The following ADAM32 variants were observed in gnomAD, a reference collection of about 807,000 sequenced individuals.
The protein encoded by ADAM32 is ADAM metallopeptidase domain 32, also known as disintegrin and metalloproteinase domain-containing protein 32.
ADAM32 carries 89 observed loss-of-function variants against 114.9 expected under a neutral mutation model. The ratio of observed to expected loss-of-function variants is 0.77; its 90% CI spans 0.65 to 0.92. ADAM32 has a LOEUF of 0.92. Ranked by LOEUF, ADAM32 falls within the 40% of genes least tolerant of loss-of-function variation. The pLI is 0.00. For synonymous variants in ADAM32, 285 were observed against 307.5 expected (o/e 0.93, Z 0.77); for missense variants, 870 against 932.8 (o/e 0.93, Z 0.88).
chr8:39,187,341 G>A (rs1806311112), intron 11 of ADAM32, among the ~76,000 whole-genome samples: 1 of 152,086 alleles, frequency 6.6e-6, no homozygotes, highest in Non-Finnish European at 1.5e-5. Flanking sequence ...GCGCTGTCTC[G>A]GCTCACTGCA....
intron 10 of ADAM32, among the ~76,000 whole-genome samples, chr8:39,175,710 G>A (rs868707400): frequency 1.3e-4 from 20 of 152,118 alleles, no homozygotes; most frequent in African/African-American, 4.6e-4. Context: ...TTGGGGAGGA[G>A]TCCCTTCTTT....
At chr8:39,186,862 C>G (rs1289084779) in intron 10 of ADAM32, 47 bp from the exon 11 acceptor site, 1 of 1,458,270 alleles carries the variant, frequency 6.9e-7, no homozygotes, top group Non-Finnish European at 9.3e-7. Flanking sequence ...TTTTACCACC[C>G]TTTAGAGAAT....
chr8:39,149,608 G>A (rs992633619), intron 4 of ADAM32, among the ~76,000 whole-genome samples, 183 bp from the exon 5 acceptor site: 12 of 152,136 alleles, frequency 7.9e-5, no homozygotes, highest in Admixed American at 3.3e-4. Context: ...ATAAAGTGTA[G>A]TTAACATAGT....
intron 5 of ADAM32, among the ~76,000 whole-genome samples, chr8:39,150,783 T>C (rs1321223266): frequency 6.6e-6 from 1 of 152,226 alleles, no homozygotes; most frequent in Non-Finnish European, 1.5e-5. Flanking sequence ...AGTCATTTAC[T>C]CTTTAAAATC....
At chr8:39,130,465 G>A (rs1273939169) in intron 2 of ADAM32, among the ~76,000 whole-genome samples, 3 of 151,954 alleles carry the variant, frequency 2.0e-5, no homozygotes, top group East Asian at 3.9e-4. Context: ...TCTTAAGATG[G>A]AAATTTAAGT....
At chr8:39,199,416 A>G (rs1440036340) in intron 11 of ADAM32, among the ~76,000 whole-genome samples, 1 of 152,164 alleles carries the variant, frequency 6.6e-6, no homozygotes, top group Non-Finnish European at 1.5e-5. Flanking sequence ...TTGTCTGATC[A>G]GGTCATTTAA....
intron 20 of ADAM32, among the ~76,000 whole-genome samples, chr8:39,272,502 C>T (rs999765811): frequency 6.6e-6 from 1 of 152,152 alleles, no homozygotes; most frequent in East Asian, 1.9e-4. Flanking sequence ...TAAGCCTGTA[C>T]AGCATCTTAT....
chr8:39,235,448 A>G (rs76825066), intron 16 of ADAM32, among the ~76,000 whole-genome samples: 5,805 of 152,230 alleles, frequency 0.038, 387 homozygotes, highest in African/African-American at 0.13. Context: ...CATAAGTGCC[A>G]TCTTGATGGA....
chr8:39,136,766 C>A, intron 3 of ADAM32, 48 bp downstream of exon 3: 1 of 1,247,574 alleles, frequency 8.0e-7, no homozygotes, highest in Non-Finnish European at 1.1e-6. Flanking sequence ...TTCTATGAAG[C>A]TGTTTACTTG....
intron 19 of ADAM32, among the ~76,000 whole-genome samples, chr8:39,266,149 G>C (rs953587826): frequency 2.0e-5 from 3 of 152,090 alleles, no homozygotes; most frequent in African/African-American, 7.2e-5. Context: ...CTTGGGGATG[G>C]TCATCTTGTA....
At chr8:39,144,867 A>G (rs1803403722) in intron 3 of ADAM32, among the ~76,000 whole-genome samples, 1 of 152,176 alleles carries the variant, frequency 6.6e-6, no homozygotes, top group Non-Finnish European at 1.5e-5. Context: ...GAAATGTTAA[A>G]TTGTTCCTGT....
In ADAM32 at chr8:39,180,770, G is replaced by C. The variant is rs368802909; in HGVS notation, c.916-6139G>C. On this transcript the variant is annotated intron_variant, in intron 10 of 24. Transcript: ENST00000379907. ...TATCTAGCTGCTCTGGTGGGGCCTTGGAGAACCTTTATGTCTAGCTCAGGG... is the reference window on the plus strand; with the variant it reads ...TATCTAGCTGCTCTGGTGGGGCCTTCGAGAACCTTTATGTCTAGCTCAGGG... Among the ~76,000 whole-genome samples the C allele has an allele frequency of 2.6e-5, 4 of 152,066 alleles. No homozygotes were observed. The East Asian group carries it at 5.8e-4, about 22-fold the overall frequency.
intron 17 of ADAM32, 80 bp downstream of exon 17, chr8:39,246,246 G>T: frequency 7.6e-7 from 1 of 1,315,088 alleles, no homozygotes; most frequent in Non-Finnish European, 1.1e-6. Flanking sequence ...ACATTTTTTG[G>T]GTCACTACCA....
chr8:39,110,109 GC>G (rs1840098664), intron 1 of ADAM32, among the ~76,000 whole-genome samples: 1 of 151,760 alleles, frequency 6.6e-6, no homozygotes, highest in African/African-American at 2.4e-5. Flanking sequence ...TTACTCTGTC[GC>G]CCAGGCTGGA....
At position 39,158,513 on chromosome 8, in the gene ADAM32, C is replaced by T. The variant is rs1017556239; in HGVS notation, c.526-2384C>T. On this transcript the variant is annotated intron_variant, in intron 6 of 24. Transcript: ENST00000379907. ...CCCTTCCTTCTTGTTCACCTTGGGT[C>T]CTAGCCGGCCAGCTTCCCACACGAT... 1.9e-5 allele frequency: 6 copies of T among 308,654 alleles called. No homozygotes were observed. In the Admixed American group the frequency reaches 3.3e-4, roughly 17 times the overall value. 19.1% of individuals were successfully genotyped at this position (308,654 alleles called of 1,614,324 possible). A position where few individuals can be genotyped will look rare whatever the true frequency, so the allele number is the denominator to read the frequency against.
At chr8:39,274,843 A>G (rs78182774) in intron 21 of ADAM32, among the ~76,000 whole-genome samples, 3,969 of 152,300 alleles carry the variant, frequency 0.026, 71 homozygotes, top group Non-Finnish European at 0.043. Flanking sequence ...AAACAAACCT[A>G]CTGTGCTTTG....
intron 6 of ADAM32, among the ~76,000 whole-genome samples, chr8:39,159,986 T>C (rs1384591084): frequency 6.6e-6 from 1 of 152,160 alleles, no homozygotes; most frequent in Non-Finnish European, 1.5e-5. Flanking sequence ...TCCTGTTTTT[T>C]ATTTTTATGT....
At chr8:39,214,670 T>C (rs1055422462) in intron 12 of ADAM32, among the ~76,000 whole-genome samples, 2 of 152,296 alleles carry the variant, frequency 1.3e-5, no homozygotes, top group Admixed American at 1.3e-4. Flanking sequence ...CTTTCTTTGC[T>C]ATGCAGAAGG....
At chr8:39,132,757 T>G (rs924955945) in intron 2 of ADAM32, among the ~76,000 whole-genome samples, 3 of 152,064 alleles carry the variant, frequency 2.0e-5, no homozygotes, top group Admixed American at 6.6e-5. Flanking sequence ...GACAGATTTT[T>G]TTTTTTCTTT....
Sources: gnomAD v4.1 joint callset for allele counts (sites outside exome capture counted in the v4.1 genomes callset) on GRCh38, gnomAD v4.1.1 for gene constraint, MANE v1.5 for transcripts, NCBI Gene and HGNC (gene_info 2026-07-23, HGNC 2026-07-21) for gene names.